The following MAP4K3 variants were observed in gnomAD, a reference collection of about 807,000 sequenced individuals.
MAP4K3 encodes the protein MAPK/ERK kinase kinase kinase 3.
In MAP4K3, 94 loss-of-function variants were observed where a neutral mutation model predicts 143.5. That is an observed-to-expected ratio of 0.65 (90% confidence interval 0.55 to 0.78). MAP4K3 has a LOEUF of 0.78. Among genes scored for constraint, MAP4K3 ranks in the 30% least tolerant of loss-of-function variants. The probability of loss-of-function intolerance (pLI) is 0.00; values close to 1 mark genes in which losing one functional copy is unlikely to be tolerated. For missense variants in MAP4K3, 1,077 were observed against 1,068.1 expected (o/e 1.01, Z -0.12); for synonymous variants, 416 against 347.2 (o/e 1.20, Z -2.20).
At chr2:39,340,984 T>C (rs1361057104) in intron 4 of MAP4K3, among the ~76,000 whole-genome samples, 3 of 152,112 alleles carry the variant, frequency 2.0e-5, no homozygotes, top group Non-Finnish European at 4.4e-5. Context: ...AAAGGAGAGA[T>C]CGCAGATTGG....
chr2:39,377,269 T>C (rs975507571), intron 2 of MAP4K3, among the ~76,000 whole-genome samples: 1 of 146,268 alleles, frequency 6.8e-6, no homozygotes, highest in Non-Finnish European at 1.5e-5. Context: ...TTTCTGTTCA[T>C]ACTGGAGCTA....
intron 3 of MAP4K3, among the ~76,000 whole-genome samples, chr2:39,347,983 C>G (rs1185042012): frequency 6.6e-6 from 1 of 151,922 alleles, no homozygotes; most frequent in Non-Finnish European, 1.5e-5. Flanking sequence ...GATACCTCTT[C>G]TGTTTGTCAA....
chr2:39,354,135 A>G (rs1665537659), intron 3 of MAP4K3, among the ~76,000 whole-genome samples: 1 of 151,964 alleles, frequency 6.6e-6, no homozygotes, highest in South Asian at 2.1e-4. Flanking sequence ...ATGGTGAAAC[A>G]CCGTCTCTAC....
chr2:39,343,762 C>T (rs987751095), intron 3 of MAP4K3, among the ~76,000 whole-genome samples: 2 of 152,080 alleles, frequency 1.3e-5, no homozygotes, highest in African/African-American at 2.4e-5. Flanking sequence ...ATACATCTAC[C>T]CAGATTCTTC....
rs559666154 is a variant in MAP4K3 at position 39,370,237 on chromosome 2, T to C, written c.154+7829A>G. On this transcript the variant is annotated intron_variant, in intron 2 of 33. Coordinates refer to ENST00000263881, the MANE Select transcript of MAP4K3 (RefSeq NM_003618.4). ...GCTCAGTCAGCCTCAAGTCATAGTA[T>C]GATTCTAATAAATTTAAGAGTGACT... Among the ~76,000 whole-genome samples the C allele has an allele frequency of 9.2e-5, 14 of 152,346 alleles. No individual in the cohort carries two copies. In the South Asian group the frequency reaches 2.7e-3, roughly 29 times the overall value.
In MAP4K3 at chr2:39,267,606, G is replaced by A. The variant is rs1283561666; in HGVS notation, c.1974-359C>T. On this transcript the variant is annotated intron_variant, in intron 26 of 33. Transcript: ENST00000263881. The stretch of plus-strand genomic sequence containing the variant: ...GAGAATCGCTTGAACCCAGGAGGTG[G>A]AGGATGTGGTGAGCCGAGAGCACAC... 4.0e-5 allele frequency among the ~76,000 whole-genome samples: 6 copies of A among 151,332 alleles called. 1 individual carries two copies. Among genetic ancestry groups the A allele is most frequent in the Admixed American group, 3.3e-4 (5 of 15,198 alleles).
At chr2:39,414,003 G>A (rs578047310) in intron 1 of MAP4K3, among the ~76,000 whole-genome samples, 1 of 152,270 alleles carries the variant, frequency 6.6e-6, no homozygotes, top group Non-Finnish European at 1.5e-5. Flanking sequence ...CAAGGTGACT[G>A]CAAGGGAAGA....
intron 26 of MAP4K3, among the ~76,000 whole-genome samples, chr2:39,270,296 A>G (rs1370641557): frequency 6.6e-6 from 1 of 152,252 alleles, no homozygotes; most frequent in African/African-American, 2.4e-5. Context: ...TTAATGTTCT[A>G]TAGTGATCTA....
chr2:39,400,698 A>G (rs938928437), intron 1 of MAP4K3, among the ~76,000 whole-genome samples: 3 of 151,950 alleles, frequency 2.0e-5, no homozygotes, highest in South Asian at 2.1e-4. Flanking sequence ...TGCTTTATTT[A>G]TATCTATAGC....
Position 39,337,493 on chromosome 2 carries a change from A to C in MAP4K3, c.366+33T>G, listed in dbSNP as rs749890978. ...AGTAAGTAAAGCCTTAGTTTAATGA[A>C]AAATGTTATTTTTGAATTAGCACTT... On this transcript the variant is annotated intron_variant, in intron 5 of 33. Transcript: ENST00000263881. 8.4e-6 allele frequency: 13 copies of C among 1,554,852 alleles called. No individual in the cohort carries two copies. In the Admixed American group the frequency reaches 1.3e-4, roughly 16 times the overall value.
chr2:39,282,390 A>G (rs573370024), intron 22 of MAP4K3, 123 bp downstream of exon 22: 72 of 777,522 alleles, frequency 9.3e-5, no homozygotes, highest in Non-Finnish European at 1.5e-4. Context: ...TAAATTAGCA[A>G]TCTTATAGAT....
chr2:39,315,421 T>C (rs541122469), intron 12 of MAP4K3, 33 bp from the exon 13 acceptor site: 2 of 1,391,798 alleles, frequency 1.4e-6, no homozygotes, highest in South Asian at 2.4e-5. Flanking sequence ...ATATGCAGCA[T>C]TTGATAATCA....
intron 1 of MAP4K3, among the ~76,000 whole-genome samples, chr2:39,420,869 G>A (rs894101549): frequency 5.3e-5 from 8 of 151,988 alleles, no homozygotes; most frequent in South Asian, 2.1e-4. Flanking sequence ...ATTTCCCTAC[G>A]GGTTCCTTCA....
intron 13 of MAP4K3, among the ~76,000 whole-genome samples, chr2:39,311,101 G>A (rs1682922346): frequency 6.6e-6 from 1 of 152,050 alleles, no homozygotes. Flanking sequence ...TTTTTGAGAC[G>A]GAGTCTCTTT....
rs140507355 is a variant in MAP4K3, at chr2:39,251,880, T to C, written c.2547A>G (p.Thr849=). 9 of 1,612,834 alleles carry C rather than the reference T, an allele frequency of 5.6e-6. No individual in the cohort carries two copies. The highest frequency in any genetic ancestry group is 6.8e-6 in the Non-Finnish European group (8 of 1,179,202). The change falls in exon 33 of 34, where the codon ACA becomes ACG. Residue 849 remains threonine (T), a synonymous_variant. Transcript: ENST00000263881. ...QGRSFRSNEV[T]QEISDSTRIF... is the part of the protein sequence containing the mutation. ...TTCTTGTGCTATCTGAAATTTCTTG[T>C]GTTACCTGTTCAATTAAAACACAAA...
chr2:39,433,204 G>C (rs1665348706), intron 1 of MAP4K3, among the ~76,000 whole-genome samples: 1 of 152,154 alleles, frequency 6.6e-6, no homozygotes, highest in Admixed American at 6.5e-5. Flanking sequence ...ATGACTCTAA[G>C]GCTTACAGCC....
intron 1 of MAP4K3, among the ~76,000 whole-genome samples, chr2:39,417,157 T>C (rs928872919): frequency 1.3e-4 from 20 of 152,064 alleles, no homozygotes; most frequent in Non-Finnish European, 2.6e-4. Context: ...TATACAGATA[T>C]ACTGAGATTG....
At chr2:39,273,631 G>T (rs1681127840) in intron 24 of MAP4K3, among the ~76,000 whole-genome samples, 1 of 152,068 alleles carries the variant, frequency 6.6e-6, no homozygotes, top group African/African-American at 2.4e-5. Context: ...AAGAGAAAAG[G>T]TAATAATAAA....
chr2:39,392,042 A>G (rs868136582), intron 1 of MAP4K3, among the ~76,000 whole-genome samples: 8 of 151,958 alleles, frequency 5.3e-5, no homozygotes, highest in Non-Finnish European at 1.2e-4. Flanking sequence ...TTAGCTGGGC[A>G]TGGTAGGTAG....
Sources: gnomAD v4.1 joint callset for allele counts (sites outside exome capture counted in the v4.1 genomes callset) on GRCh38, gnomAD v4.1.1 for gene constraint, MANE v1.5 for transcripts, NCBI Gene and HGNC (gene_info 2026-07-23, HGNC 2026-07-21) for gene names.